The following SLC20A2 variants were observed in gnomAD, a reference collection of about 807,000 sequenced individuals.
SLC20A2 encodes the protein sodium-dependent phosphate transporter 2.
SLC20A2 carries 30 observed loss-of-function variants against 61.0 expected under a neutral mutation model. The ratio of observed to expected loss-of-function variants is 0.49; its 90% CI spans 0.37 to 0.67. The LOEUF is 0.67. Ranked by LOEUF, SLC20A2 falls within the 30% of genes least tolerant of loss-of-function variation. The pLI is 0.00. For synonymous variants in SLC20A2, 351 were observed against 353.3 expected, an observed-to-expected ratio of 0.99 and a Z score of 0.07; for missense variants, 626 against 866.4, an observed-to-expected ratio of 0.72 and a Z score of 3.48.
At chr8:42,458,608 G>GCGAGCCTCTGTCTC in intron 5 of SLC20A2, among the ~76,000 whole-genome samples, 1 of 64,214 alleles carries the variant, frequency 1.6e-5, no homozygotes, top group South Asian at 5.1e-4. Flanking sequence ...GGGCAATAAA[G>GCGAGCCTCTGTCTC]AAAAAAAAAA....
intron 1 of SLC20A2, among the ~76,000 whole-genome samples, chr8:42,524,005 C>T (rs755210348): frequency 3.9e-5 from 6 of 152,144 alleles, no homozygotes; most frequent in African/African-American, 1.4e-4. Context: ...CTTTCGGCCT[C>T]GAAGAACTCA....
At chr8:42,497,714 GT>G (rs35618027) in intron 1 of SLC20A2, among the ~76,000 whole-genome samples, 410 of 135,506 alleles carry the variant, frequency 3.0e-3, no homozygotes, top group African/African-American at 5.6e-3. Flanking sequence ...CCCTCAATTG[GT>G]TTTTTTTTTT....
chr8:42,465,975 G>T, intron 2 of SLC20A2, 58 bp from the exon 3 acceptor site: 1 of 1,467,140 alleles, frequency 6.8e-7, no homozygotes, highest in Non-Finnish European at 9.1e-7. Context: ...CAGACACCAA[G>T]GGAAGAAATC....
intron 1 of SLC20A2, among the ~76,000 whole-genome samples, chr8:42,532,108 T>G (rs1360990086): frequency 6.6e-6 from 1 of 152,126 alleles, no homozygotes; most frequent in Non-Finnish European, 1.5e-5. Flanking sequence ...ATTACAGGTG[T>G]GAGCCACTGT....
At chr8:42,480,075 G>A (rs1446308845) in intron 1 of SLC20A2, among the ~76,000 whole-genome samples, 2 of 152,128 alleles carry the variant, frequency 1.3e-5, no homozygotes, top group African/African-American at 2.4e-5. Context: ...CCCAGTCAGG[G>A]GTGTGGCTAA....
At chr8:42,454,913 A>C (rs1187984433) in intron 5 of SLC20A2, among the ~76,000 whole-genome samples, 8 of 151,746 alleles carry the variant, frequency 5.3e-5, no homozygotes. Context: ...GCTTCTTCAC[A>C]CTAACTAGTA....
intron 1 of SLC20A2, among the ~76,000 whole-genome samples, chr8:42,487,917 A>T (rs1040937857): frequency 7.2e-5 from 11 of 151,876 alleles, no homozygotes; most frequent in Non-Finnish European, 1.3e-4. Context: ...CCTTTCTCCA[A>T]CCCCTGGCCA....
intron 1 of SLC20A2, among the ~76,000 whole-genome samples, chr8:42,491,970 A>G (rs1009365126): frequency 7.2e-5 from 11 of 152,114 alleles, no homozygotes; most frequent in Admixed American, 1.3e-4. Flanking sequence ...TTGTCCCCCA[A>G]CAATCTCACT....
At chr8:42,467,409 T>A (rs1037384854) in intron 2 of SLC20A2, among the ~76,000 whole-genome samples, 2 of 150,832 alleles carry the variant, frequency 1.3e-5, no homozygotes, top group Non-Finnish European at 2.9e-5. Flanking sequence ...GAGAGATCAC[T>A]TTCAGAAGCA....
At chr8:42,483,244 GCCTATAATCCCA>G (rs1808688215) in intron 1 of SLC20A2, among the ~76,000 whole-genome samples, 1 of 151,018 alleles carries the variant, frequency 6.6e-6, no homozygotes. Context: ...GGTGGCAGGT[GCCTATAATCCCA>G]CCTACCAGGG....
At chr8:42,420,882 G>A (rs1293783895) in intron 10 of SLC20A2, among the ~76,000 whole-genome samples, 1 of 152,126 alleles carries the variant, frequency 6.6e-6, no homozygotes, top group Non-Finnish European at 1.5e-5. Flanking sequence ...CTCCTCCCAG[G>A]ACCTACTCTT....
chr8:42,449,547 A>G (rs1805487957), intron 5 of SLC20A2, among the ~76,000 whole-genome samples: 1 of 152,214 alleles, frequency 6.6e-6, no homozygotes, highest in Non-Finnish European at 1.5e-5. Flanking sequence ...ATCTATAAAC[A>G]AATAAAACTT....
intron 1 of SLC20A2, among the ~76,000 whole-genome samples, chr8:42,476,427 C>T (rs1012308270): frequency 1.3e-5 from 2 of 152,074 alleles, no homozygotes; most frequent in Admixed American, 6.6e-5. Context: ...CAATGGAGGA[C>T]TCCCTTGCTG....
At chr8:42,454,927 T>C (rs887514773) in intron 5 of SLC20A2, among the ~76,000 whole-genome samples, 22 of 151,766 alleles carry the variant, frequency 1.4e-4, no homozygotes, top group African/African-American at 5.3e-4. Flanking sequence ...ACTAGTATAT[T>C]AAATATGTAC....
chr8:42,441,078 C>T (rs1586037750), intron 6 of SLC20A2, among the ~76,000 whole-genome samples: 1 of 151,610 alleles, frequency 6.6e-6, no homozygotes, highest in Non-Finnish European at 1.5e-5. Flanking sequence ...GGATTACAGG[C>T]GTGAGCCACC....
upstream of SLC20A2, chr8:42,501,388 T>C (rs935392792): frequency 3.9e-5 from 6 of 152,240 alleles, no homozygotes; most frequent in Non-Finnish European, 8.8e-5. Context: ...TTCTTTTAAG[T>C]TGTTTTTGCA....
At chr8:42,429,799 C>T (rs143266855) in intron 9 of SLC20A2, among the ~76,000 whole-genome samples, 4 of 152,290 alleles carry the variant, frequency 2.6e-5, no homozygotes, top group African/African-American at 7.2e-5. Flanking sequence ...CTCCTCTCTT[C>T]CCTGCCTGCT....
intron 1 of SLC20A2, among the ~76,000 whole-genome samples, chr8:42,477,273 AG>A (rs531470484): frequency 1.2e-3 from 179 of 152,284 alleles, no homozygotes; most frequent in African/African-American, 4.2e-3. Flanking sequence ...CTGTAGTCAC[AG>A]GAAGAATAAC....
intron 1 of SLC20A2, among the ~76,000 whole-genome samples, chr8:42,519,010 G>A (rs983338443): frequency 6.6e-6 from 1 of 152,324 alleles, no homozygotes; most frequent in Non-Finnish European, 1.5e-5. Flanking sequence ...TATGTGGAAC[G>A]CACAGTAGTC....
Sources: gnomAD v4.1 joint callset for allele counts (sites outside exome capture counted in the v4.1 genomes callset) on GRCh38, gnomAD v4.1.1 for gene constraint, MANE v1.5 for transcripts, NCBI Gene and HGNC (gene_info 2026-07-23, HGNC 2026-07-21) for gene names.